SLC20A2: variants seen among roughly 807,000 people sequenced by gnomAD.
SLC20A2 encodes the protein solute carrier family 20 member 2.
SLC20A2 carries 30 observed loss-of-function variants against 61.0 expected under a neutral mutation model. The ratio of observed to expected loss-of-function variants is 0.49; its 90% CI spans 0.37 to 0.67. The LOEUF is 0.67. Ranked by LOEUF, SLC20A2 falls within the 30% of genes least tolerant of loss-of-function variation. SLC20A2 has a pLI of 0.00. For missense variants in SLC20A2, 626 were observed against 866.4 expected (o/e 0.72, Z 3.48); for synonymous variants, 351 against 353.3 (o/e 0.99, Z 0.07).
chr8:42,479,060 G>A (rs939304782), intron 1 of SLC20A2, among the ~76,000 whole-genome samples: 7 of 152,104 alleles, frequency 4.6e-5, no homozygotes, highest in Non-Finnish European at 8.8e-5. Context: ...TGACTCTTCT[G>A]GGGCCAGGGA....
chr8:42,428,062 CTCTGGTCCTCCCCACCTGGGT>C (rs1233464715), intron 10 of SLC20A2, among the ~76,000 whole-genome samples: 1 of 152,124 alleles, frequency 6.6e-6, no homozygotes, highest in East Asian at 1.9e-4. Context: ...GAGACCGGGG[CTCTGGTCCTCCCCACCTGGGT>C]TCTGGTCCTC....
chr8:42,517,364 G>A lies in SLC20A2; in HGVS notation c.-265+24457C>T, dbSNP rs567127925. 3.2e-3 allele frequency among the ~76,000 whole-genome samples: 342 copies of A among 107,766 alleles called. 4 individuals carry two copies. The East Asian group carries it at 0.044, about 14-fold the overall frequency. The allele number at this position is 107,766 out of a possible 152,430, so 70.7% of individuals were successfully genotyped here. A position where few individuals can be genotyped will look rare whatever the true frequency, so the allele number is the denominator to read the frequency against. ...GCCTGGGCAACTGTAGTGAGATCCTGTCTCAAAAAAAAAAAAACAATAATA... is the reference window on the plus strand; with the variant it reads ...GCCTGGGCAACTGTAGTGAGATCCTATCTCAAAAAAAAAAAAACAATAATA... On this transcript the variant is annotated intron_variant, in intron 1 of 10. Coordinates refer to the SLC20A2 transcript ENST00000342228.
At chr8:42,479,344 A>C (rs1320259977) in intron 1 of SLC20A2, among the ~76,000 whole-genome samples, 4 of 152,176 alleles carry the variant, frequency 2.6e-5, no homozygotes, top group African/African-American at 9.7e-5. Flanking sequence ...AGAAAGTATG[A>C]GTGTGGGCAA....
chr8:42,455,299 G>A (rs1268486821), intron 5 of SLC20A2, among the ~76,000 whole-genome samples: 15 of 145,880 alleles, frequency 1.0e-4, no homozygotes, highest in African/African-American at 3.0e-4. Context: ...GAGAGCGTGC[G>A]CATGCACTCC....
At chr8:42,516,852 A>T (rs1811348252) in intron 1 of SLC20A2, among the ~76,000 whole-genome samples, 1 of 152,196 alleles carries the variant, frequency 6.6e-6, no homozygotes, top group Admixed American at 6.6e-5. Context: ...AAACAGGACA[A>T]CAGACTCGAT....
intron 1 of SLC20A2, among the ~76,000 whole-genome samples, chr8:42,494,231 C>T (rs1430945728): frequency 6.6e-6 from 1 of 152,062 alleles, no homozygotes; most frequent in Admixed American, 6.6e-5. Flanking sequence ...CCCAGTACTG[C>T]AAAATAACCA....
At chr8:42,539,127 T>G (rs182612484) in intron 1 of SLC20A2, among the ~76,000 whole-genome samples, 23 of 152,294 alleles carry the variant, frequency 1.5e-4, no homozygotes, top group African/African-American at 5.3e-4. Flanking sequence ...TGCCTTTAAG[T>G]AAAGAAACCC....
intron 1 of SLC20A2, among the ~76,000 whole-genome samples, chr8:42,478,576 G>A (rs909458674): frequency 5.3e-5 from 8 of 152,022 alleles, no homozygotes; most frequent in African/African-American, 1.9e-4. Flanking sequence ...CTCAATCTAG[G>A]GTGTATTTAC....
At chr8:42,452,636 G>A (rs976777270) in intron 5 of SLC20A2, among the ~76,000 whole-genome samples, 5 of 151,164 alleles carry the variant, frequency 3.3e-5, no homozygotes, top group Non-Finnish European at 5.9e-5. Flanking sequence ...GGGGGAGGAC[G>A]AGGAGGAAGA....
rs1318821335 is a variant in SLC20A2, at chr8:42,416,673, G to A, written c.*1130C>T. On this transcript the variant is annotated 3_prime_UTR_variant, in exon 11 of 11. Coordinates refer to ENST00000520262, the MANE Select transcript of SLC20A2 (RefSeq NM_001257180.2). ...ATGGGATGGAGTAGAGCCTGGGGGT[G>A]TCCAGCTTTGTGTGGGCCTCAGAGA... 2 of 152,638 alleles carry A rather than the reference G, an allele frequency of 1.3e-5. No individual in the cohort carries two copies. The highest frequency in any genetic ancestry group is 2.9e-5 in the Non-Finnish European group (2 of 68,042). The allele number at this position is 152,638 out of a possible 1,614,324, so 9.5% of individuals were successfully genotyped here.
chr8:42,423,636 G>A (rs538885893), intron 10 of SLC20A2, among the ~76,000 whole-genome samples: 6 of 152,204 alleles, frequency 3.9e-5, no homozygotes, highest in Non-Finnish European at 5.9e-5. Context: ...CTAAATAAAC[G>A]TTCAAATTCT....
chr8:42,519,525 C>T (rs1180467166), intron 1 of SLC20A2, among the ~76,000 whole-genome samples: 1 of 151,858 alleles, frequency 6.6e-6, no homozygotes, highest in African/African-American at 2.4e-5. Flanking sequence ...TAGACACTTG[C>T]TTTGTTTTTA....
intron 1 of SLC20A2, among the ~76,000 whole-genome samples, chr8:42,509,136 A>T (rs966978715): frequency 3.3e-5 from 5 of 152,272 alleles, no homozygotes; most frequent in African/African-American, 1.2e-4. Context: ...ACATATGTTT[A>T]TGCATACACA....
intron 4 of SLC20A2, chr8:42,460,288 T>C (rs1266750143): frequency 4.0e-6 from 1 of 251,276 alleles, no homozygotes; most frequent in Non-Finnish European, 7.9e-6. Context: ...AGAAAAGATC[T>C]GTTGGGTCAA....
chr8:42,418,015 T>G, intron 10 of SLC20A2, 48 bp from the exon 11 acceptor site: 1 of 1,538,362 alleles, frequency 6.5e-7, no homozygotes, highest in Non-Finnish European at 8.9e-7. Context: ...CCACAAAGGC[T>G]ACACTCTACC....
At chr8:42,509,613 G>C (rs1285482382) in intron 1 of SLC20A2, among the ~76,000 whole-genome samples, 1 of 151,956 alleles carries the variant, frequency 6.6e-6, no homozygotes, top group Non-Finnish European at 1.5e-5. Flanking sequence ...AAATTAGCGG[G>C]TGCAGTGGTA....
chr8:42,450,890 C>T (rs901588545), intron 5 of SLC20A2, among the ~76,000 whole-genome samples: 3 of 152,112 alleles, frequency 2.0e-5, no homozygotes, highest in African/African-American at 7.2e-5. Context: ...TTTAAATGAC[C>T]CTGTTTTGAA....
At chr8:42,443,199 A>G (rs1319653473) in intron 6 of SLC20A2, among the ~76,000 whole-genome samples, 1 of 144,930 alleles carries the variant, frequency 6.9e-6, no homozygotes, top group African/African-American at 2.5e-5. Flanking sequence ...GTTATTGTAT[A>G]GTATAATTGT....
chr8:42,505,162 G>T (rs1165153353), upstream of SLC20A2, among the ~76,000 whole-genome samples: 2 of 151,300 alleles, frequency 1.3e-5, no homozygotes, highest in Non-Finnish European at 2.9e-5. Flanking sequence ...AGCCTGGAGT[G>T]CAGTGACACA....
Sources: allele counts gnomAD v4.1 joint callset (sites outside exome capture counted in the v4.1 genomes callset), GRCh38; gene constraint gnomAD v4.1.1; transcripts MANE v1.5; gene names NCBI Gene and HGNC (gene_info 2026-07-23, HGNC 2026-07-21).